The following RNF216 variants were observed in gnomAD, a reference collection of about 807,000 sequenced individuals.
The protein encoded by RNF216 is E3 ubiquitin-protein ligase RNF216.
In RNF216, 72 loss-of-function variants were observed where a neutral mutation model predicts 110.8. The ratio of observed to expected loss-of-function variants is 0.65; its 90% confidence interval spans 0.54 to 0.79. The LOEUF is 0.79. Among genes scored for constraint, RNF216 ranks in the 30% least tolerant of loss-of-function variants. RNF216 has a pLI of 0.00. For missense variants in RNF216, 1,342 were observed against 1,141.2 expected, an observed-to-expected ratio of 1.18 and a Z score of -2.54; for synonymous variants, 495 against 407.5, an observed-to-expected ratio of 1.21 and a Z score of -2.59.
chr7:5,748,955 G>A (rs1194683718), intron 3 of RNF216, among the ~76,000 whole-genome samples: 1 of 152,136 alleles, frequency 6.6e-6, no homozygotes, highest in African/African-American at 2.4e-5. Flanking sequence ...TGCGTTATGT[G>A]TGTGTGGTAT....
intron 6 of RNF216, 126 bp from the exon 7 acceptor site, chr7:5,729,722 A>G: frequency 1.2e-6 from 1 of 828,534 alleles, no homozygotes; most frequent in Admixed American, 2.7e-5. Context: ...TAAGGAAGTT[A>G]CCAGCCCTAT....
chr7:5,737,948 C>T (rs1187230730), intron 5 of RNF216, among the ~76,000 whole-genome samples: 1 of 151,860 alleles, frequency 6.6e-6, no homozygotes, highest in Non-Finnish European at 1.5e-5. Flanking sequence ...ATTAGCCGGA[C>T]AGGGTGGAGT....
chr7:5,657,086 T>C (rs1237586240), intron 13 of RNF216, among the ~76,000 whole-genome samples: 3 of 152,264 alleles, frequency 2.0e-5, no homozygotes, highest in Non-Finnish European at 4.4e-5. Context: ...CTGACTTCCA[T>C]CCAGCCTTGT....
intron 5 of RNF216, among the ~76,000 whole-genome samples, chr7:5,734,834 A>AAATAAATAAAT (rs1794301188): frequency 8.0e-6 from 1 of 125,222 alleles, no homozygotes; most frequent in African/African-American, 3.0e-5. Flanking sequence ...CAAAATAAAT[A>AAATAAATAAAT]AATAAATAAA....
At chr7:5,729,921 A>C (rs1046933834) in intron 6 of RNF216, among the ~76,000 whole-genome samples, 1 of 152,226 alleles carries the variant, frequency 6.6e-6, no homozygotes, top group Non-Finnish European at 1.5e-5. Context: ...CAGTCAAAGA[A>C]TCTATGGGGA....
Position 5,778,756 on chromosome 7 carries a change from A to T in RNF216, c.-70+2785T>A, listed in dbSNP as rs112564854. On this transcript the variant is annotated intron_variant, in intron 1 of 16. Transcript: ENST00000389902. ...AGTTTCTTTTTTTAAAATTATTATT[A>T]TTTTTGAGACGGAGTCTCGCTCTGT... Among the ~76,000 whole-genome samples the T allele has an allele frequency of 2.3e-5, 3 of 132,392 alleles. No homozygotes were observed. In the South Asian group the frequency reaches 7.1e-4, roughly 31 times the overall value. The allele number at this position is 132,392 out of a possible 152,430, so 86.9% of individuals were successfully genotyped here. A position where few individuals can be genotyped will look rare whatever the true frequency, so the allele number is the denominator to read the frequency against.
intron 2 of RNF216, among the ~76,000 whole-genome samples, chr7:5,756,350 G>C (rs1382739714): frequency 3.3e-5 from 5 of 152,198 alleles, no homozygotes; most frequent in Non-Finnish European, 5.9e-5. Context: ...GACTAATACA[G>C]TTGCTTTCAT....
intron 3 of RNF216, 110 bp downstream of exon 3, chr7:5,752,736 T>A: frequency 9.3e-7 from 1 of 1,077,182 alleles, no homozygotes; most frequent in Non-Finnish European, 1.3e-6. Flanking sequence ...GGGGCTGTTC[T>A]CAGAACGAGT....
intron 5 of RNF216, among the ~76,000 whole-genome samples, chr7:5,736,417 C>T (rs549865361): frequency 2.6e-5 from 4 of 152,224 alleles, no homozygotes; most frequent in African/African-American, 9.6e-5. Context: ...CTCGTTCACT[C>T]AGTGCTCAGT....
intron 11 of RNF216, 38 bp from the exon 12 acceptor site, chr7:5,712,901 T>C (rs1792808691): frequency 7.0e-6 from 11 of 1,575,416 alleles, no homozygotes; most frequent in South Asian, 4.6e-5. Flanking sequence ...AAAAAATCAA[T>C]ACCATTTATA....
chr7:5,651,899 G>A (rs898325858), intron 14 of RNF216, among the ~76,000 whole-genome samples: 3 of 151,972 alleles, frequency 2.0e-5, no homozygotes, highest in Non-Finnish European at 2.9e-5. Flanking sequence ...CGCCAGCCTC[G>A]GCCTCCCAAA....
intron 15 of RNF216, among the ~76,000 whole-genome samples, chr7:5,625,180 T>C (rs1328488675): frequency 1.3e-5 from 2 of 152,194 alleles, no homozygotes; most frequent in African/African-American, 4.8e-5. Flanking sequence ...ACACGCCAAC[T>C]GCCGGCTCAG....
rs760106512 is a variant in RNF216 at position 5,622,970 on chromosome 7, C to T, written c.2662G>A (p.Val888Met). Residue 888 changes from valine (V) to methionine (M), a missense_variant, in exon 17 of 17, where the codon GTG becomes ATG. Physicochemically the swap from Val to Met is conservative, Grantham distance 21. Coordinates refer to ENST00000389902, the MANE Select transcript of RNF216 (RefSeq NM_207111.4). The part of the protein sequence containing the change: ...LNMGPIPAPY[V>M]PPLPNVRVNY... Reference sequence around the variant, plus strand: ...ACCCGCACGTTGGGCAGAGGGGGCACGTACGGGGCTGGGATAGGCCCCATG... The same window carrying T: ...ACCCGCACGTTGGGCAGAGGGGGCATGTACGGGGCTGGGATAGGCCCCATG... 47 of 1,613,862 alleles carry T rather than the reference C, an allele frequency of 2.9e-5. No homozygotes were observed. The Admixed American group carries it at 3.3e-4, about 11-fold the overall frequency.
At chr7:5,739,230 TACC>T (rs746317006) in intron 5 of RNF216, 43 bp downstream of exon 5, 74 of 1,483,856 alleles carry the variant, frequency 5.0e-5, no homozygotes, top group East Asian at 3.3e-4. Context: ...ACATATATTT[TACC>T]ACCACCACCA....
rs985368150 is a variant in RNF216, at chr7:5,680,242, A to C, written c.2062-27732T>G. On this transcript the variant is annotated intron_variant, in intron 13 of 16. Transcript: ENST00000389902. This position sits in a 1 kb window ranked among gnomAD's most constrained non-coding sequence, Gnocchi z 4.3. ...TCTTCCGGAAGTCTCTTCATGCTCTAATGCAGCCTTCAAGGTCCAACAGGG... is the reference window on the plus strand; with the variant it reads ...TCTTCCGGAAGTCTCTTCATGCTCTCATGCAGCCTTCAAGGTCCAACAGGG... The C allele has an allele frequency of 1.3e-5, 2 of 152,194 alleles. No individual in the cohort carries two copies. The highest frequency in any genetic ancestry group is 4.8e-5 in the African/African-American group (2 of 41,402). 9.4% of individuals were successfully genotyped at this position (152,194 alleles called of 1,614,324 possible). A position where few individuals can be genotyped will look rare whatever the true frequency, so the allele number is the denominator to read the frequency against.
chr7:5,625,670 C>CT (rs1786664479), intron 15 of RNF216, among the ~76,000 whole-genome samples: 1 of 152,244 alleles, frequency 6.6e-6, no homozygotes, highest in African/African-American at 2.4e-5. Context: ...TAAACGTGCA[C>CT]TGCATGCCTA....
intron 2 of RNF216, among the ~76,000 whole-genome samples, chr7:5,754,218 C>T (rs779817111): frequency 1.4e-3 from 215 of 150,796 alleles, no homozygotes; most frequent in Non-Finnish European, 1.9e-3. Flanking sequence ...TACAATGGTG[C>T]GATCATAGCT....
rs1791650164 is a variant in RNF216, at chr7:5,696,674, C to T, written c.2061+15087G>A. On this transcript the variant is annotated intron_variant, in intron 13 of 16. Coordinates refer to ENST00000389902, the MANE Select transcript of RNF216 (RefSeq NM_207111.4). The surrounding 1 kb of genome is among the most constrained non-coding windows in gnomAD (Gnocchi z 5.4). ...CTACTGCCCCACGTCTCCCCTCTTGCCCCCAACCTGCCCTTAGAACCAGGT... is the reference window on the plus strand; with the variant it reads ...CTACTGCCCCACGTCTCCCCTCTTGTCCCCAACCTGCCCTTAGAACCAGGT... Among the ~76,000 whole-genome samples, 2 of 152,196 alleles carry T rather than the reference C, an allele frequency of 1.3e-5. No homozygotes were observed. The highest frequency in any genetic ancestry group is 4.1e-4 in the South Asian group (2 of 4,832).
At chr7:5,652,708 G>A (rs565701064) in intron 13 of RNF216, among the ~76,000 whole-genome samples, 198 bp from the exon 14 acceptor site, 1 of 152,212 alleles carries the variant, frequency 6.6e-6, no homozygotes, top group East Asian at 1.9e-4. Flanking sequence ...GGTGGCTGAC[G>A]CCTGTAGTAC....
Sources: allele counts gnomAD v4.1 joint callset (sites outside exome capture counted in the v4.1 genomes callset), GRCh38; gene constraint gnomAD v4.1.1; non-coding constraint Gnocchi (gnomAD v3.1); transcripts MANE v1.5; gene names NCBI Gene and HGNC (gene_info 2026-07-23, HGNC 2026-07-21).